Variants in ARHGAP23 observed in about 807,000 individuals in gnomAD.
ARHGAP23 encodes the protein Rho GTPase activating protein 23.
Under a neutral mutation model 136.3 loss-of-function variants are expected in ARHGAP23, and 34 were observed. The observed-to-expected ratio is 0.25, with a 90% CI of 0.19 to 0.33. The LOEUF is 0.33. Ranked by LOEUF, ARHGAP23 falls within the 10% of genes least tolerant of loss-of-function variation. The pLI, the probability that ARHGAP23 is intolerant of heterozygous loss-of-function variation, is 1.00. For missense variants in ARHGAP23, 1,808 were observed against 2,139.0 expected, an observed-to-expected ratio of 0.85 and a Z score of 3.05; for synonymous variants, 832 against 920.5, an observed-to-expected ratio of 0.90 and a Z score of 1.74.
At chr17:38,447,391 G>A (rs1398477829) in intron 1 of ARHGAP23, among the ~76,000 whole-genome samples, 1 of 126,774 alleles carries the variant, frequency 7.9e-6, no homozygotes, top group African/African-American at 3.0e-5. Context: ...GCAGTGAGCC[G>A]AGATCTCGCC....
intron 1 of ARHGAP23, among the ~76,000 whole-genome samples, chr17:38,430,190 G>A (rs1338291528): frequency 1.3e-5 from 2 of 152,080 alleles, no homozygotes; most frequent in Non-Finnish European, 2.9e-5. Context: ...AGTGGGCAGG[G>A]TAGGTGTTGG....
At chr17:38,490,315 C>G (rs2040247727) in intron 18 of ARHGAP23, 140 bp downstream of exon 18, 2 of 1,132,488 alleles carry the variant, frequency 1.8e-6, no homozygotes, top group Admixed American at 4.0e-5. Context: ...CTCAGTTTCC[C>G]CGTCCATACA....
At chr17:38,474,861 T>C (rs2039855617) in intron 11 of ARHGAP23, among the ~76,000 whole-genome samples, 1 of 152,112 alleles carries the variant, frequency 6.6e-6, no homozygotes, top group Non-Finnish European at 1.5e-5. Flanking sequence ...ATGTGCACTG[T>C]GCGAGGAGAG....
chr17:38,438,352 G>A (rs1427342166), intron 1 of ARHGAP23, among the ~76,000 whole-genome samples: 1 of 149,836 alleles, frequency 6.7e-6, no homozygotes, highest in Non-Finnish European at 1.5e-5. Context: ...GATGTTTGTT[G>A]GGGCAAGAAA....
intron 19 of ARHGAP23, 83 bp from the exon 20 acceptor site, chr17:38,491,324 T>C: frequency 3.3e-6 from 5 of 1,529,460 alleles, no homozygotes; most frequent in Non-Finnish European, 8.8e-7. Flanking sequence ...GAGGATGTAG[T>C]TGGGGACAGA....
chr17:38,507,906 A>G (rs1360362235), intron 23 of ARHGAP23, among the ~76,000 whole-genome samples: 4 of 152,224 alleles, frequency 2.6e-5, no homozygotes, highest in Admixed American at 2.6e-4. Context: ...TTATTACACC[A>G]TGGCTGAAAC....
rs745536080 is a variant in ARHGAP23 at position 38,482,525 on chromosome 17, C to T, written c.2754C>T (p.Arg918=). The change falls in exon 16 of 24, where the codon CGC becomes CGT. Residue 918 remains arginine (R), a splice_region_variant and synonymous_variant. Transcript: ENST00000622683. ...ACACCCCTCCCATGTGTCCCCAGCGCGTCCCCTTAATCGTGGCTGCATGCT... is the reference window on the plus strand; with the variant it reads ...ACACCCCTCCCATGTGTCCCCAGCGTGTCCCCTTAATCGTGGCTGCATGCT... ...EECQPATENQ[R]VPLIVAACCR... 3.6e-5 allele frequency: 56 copies of T among 1,544,034 alleles called. No individual in the cohort carries two copies. Among genetic ancestry groups the T allele is most frequent in the Middle Eastern group, 1.8e-4 (1 of 5,674 alleles).
chr17:38,498,503 G>A lies in ARHGAP23; in HGVS notation c.3408G>A (p.Pro1136=), dbSNP rs1278371125. 23 of 1,546,456 alleles carry A rather than the reference G, an allele frequency of 1.5e-5. No individual in the cohort carries two copies. In the Admixed American group the frequency reaches 3.5e-4, roughly 24 times the overall value. The change falls in exon 22 of 24, where the codon CCG becomes CCA. Residue 1136 remains proline (P), a synonymous_variant. Transcript: ENST00000622683. ...GCAGGACAGTGCCCCCTGGCGACCC[G>A]GGGTCAGGTGAGCGCAGGGGCCTGG... is the stretch of plus-strand genomic sequence containing the variant. ...NIGRTVPPGD[P]GSDSTTCSSA...
chr17:38,510,165 C>G lies in ARHGAP23; in HGVS notation c.3669C>G (p.Pro1223=). The G allele has an allele frequency of 2.3e-6, 3 of 1,294,408 alleles. No individual in the cohort carries two copies. The highest frequency in any genetic ancestry group is 2.9e-6 in the Non-Finnish European group (3 of 1,029,772). 80.2% of individuals were successfully genotyped at this position (1,294,408 alleles called of 1,614,324 possible). A position where few individuals can be genotyped will look rare whatever the true frequency, so the allele number is the denominator to read the frequency against. ...PQGPLPGAVA[P]EAPGRLSPPA... is the part of the protein sequence containing the mutation. ...GGCCGCTGCCTGGCGCCGTCGCCCC[C>G]GAGGCCCCCGGACGCCTCAGTCCCC... The change falls in exon 24 of 24, where the codon CCC becomes CCG. Residue 1223 remains proline (P), a synonymous_variant. Transcript: ENST00000622683. This position sits in a 1 kb window ranked among gnomAD's most constrained non-coding sequence, Gnocchi z 4.6.
At chr17:38,439,648 G>A (rs2038877997) in intron 1 of ARHGAP23, among the ~76,000 whole-genome samples, 1 of 152,200 alleles carries the variant, frequency 6.6e-6, no homozygotes, top group Admixed American at 6.5e-5. Context: ...CATGGGCGAT[G>A]GATTATCTCT....
chr17:38,502,468 C>G (rs2040543471), intron 23 of ARHGAP23, among the ~76,000 whole-genome samples: 1 of 152,246 alleles, frequency 6.6e-6, no homozygotes. Flanking sequence ...TATATCAGTA[C>G]TGTGCTGGGT....
intron 14 of ARHGAP23, among the ~76,000 whole-genome samples, chr17:38,480,478 C>A (rs1305220046): frequency 1.3e-5 from 2 of 151,410 alleles, no homozygotes; most frequent in Non-Finnish European, 3.0e-5. Context: ...CTAAAAAATA[C>A]AAAAAATTAG....
intron 20 of ARHGAP23, among the ~76,000 whole-genome samples, chr17:38,494,147 G>T (rs1165334231): frequency 2.0e-5 from 3 of 152,182 alleles, no homozygotes; most frequent in Non-Finnish European, 4.4e-5. Context: ...GGGGTGGGGG[G>T]ATTGACGGCA....
intron 20 of ARHGAP23, among the ~76,000 whole-genome samples, chr17:38,493,493 G>T (rs1433781470): frequency 6.6e-6 from 1 of 152,210 alleles, no homozygotes; most frequent in African/African-American, 2.4e-5. Flanking sequence ...CGCCCAGCCA[G>T]GCTGGGCTTT....
intron 20 of ARHGAP23, among the ~76,000 whole-genome samples, chr17:38,494,588 T>A (rs7406503): frequency 0.67 from 102,455 of 152,086 alleles, 36,024 homozygotes; most frequent in East Asian, 0.91. Flanking sequence ...AAAAATCCAT[T>A]AAAAAAATGA....
intron 16 of ARHGAP23, among the ~76,000 whole-genome samples, chr17:38,485,080 C>T (rs1185407120): frequency 6.6e-6 from 1 of 152,110 alleles, no homozygotes; most frequent in Non-Finnish European, 1.5e-5. Flanking sequence ...GACAACGACC[C>T]GGCCGTTAGT....
intron 20 of ARHGAP23, among the ~76,000 whole-genome samples, chr17:38,496,198 T>C (rs2040388082): frequency 6.6e-6 from 1 of 152,210 alleles, no homozygotes; most frequent in Non-Finnish European, 1.5e-5. Context: ...GCACCGGGCC[T>C]GTCACTATCA....
In ARHGAP23 at chr17:38,484,493, C is replaced by T. The variant is rs147057071; in HGVS notation, c.2908-1569C>T. ...AGGCATGGGATGACCAAGGGTGGGCCGCAGAACAGCAGGGGCCACGCTCTG... is the reference window on the plus strand; with the variant it reads ...AGGCATGGGATGACCAAGGGTGGGCTGCAGAACAGCAGGGGCCACGCTCTG... On this transcript the variant is annotated intron_variant, in intron 16 of 23. Coordinates refer to ENST00000622683, the MANE Select transcript of ARHGAP23 (RefSeq NM_001199417.2). Among the ~76,000 whole-genome samples, 70 of 152,116 alleles carry T rather than the reference C, an allele frequency of 4.6e-4. 1 individual carries two copies. In the East Asian group the frequency reaches 8.9e-3, roughly 19 times the overall value.
chr17:38,432,381 T>G (rs192427169), intron 1 of ARHGAP23, among the ~76,000 whole-genome samples: 10 of 149,188 alleles, frequency 6.7e-5, no homozygotes, highest in Admixed American at 1.3e-4. Context: ...TACAGAAAAA[T>G]TTTAAAAATT....
Sources: allele counts gnomAD v4.1 joint callset (sites outside exome capture counted in the v4.1 genomes callset), GRCh38; gene constraint gnomAD v4.1.1; non-coding constraint Gnocchi (gnomAD v3.1); transcripts MANE v1.5; gene names NCBI Gene and HGNC (gene_info 2026-07-23, HGNC 2026-07-21).